The following GRIK2 variants were observed in gnomAD, a reference collection of about 807,000 sequenced individuals.
GRIK2 encodes the protein glutamate ionotropic receptor kainate type subunit 2.
In GRIK2, 32 loss-of-function variants were observed where a neutral mutation model predicts 100.3. The ratio of observed to expected loss-of-function variants is 0.32; its 90% CI spans 0.24 to 0.43. GRIK2 has a LOEUF of 0.43. GRIK2 is among the 20% of genes least tolerant of loss of function. The pLI is 1.00. For synonymous variants in GRIK2, 417 were observed against 389.4 expected, an observed-to-expected ratio of 1.07 and a Z score of -0.83; for missense variants, 843 against 1,114.9, an observed-to-expected ratio of 0.76 and a Z score of 3.47.
intron 11 of GRIK2, among the ~76,000 whole-genome samples, chr6:101,881,828 G>T (rs1235209286): frequency 6.6e-6 from 1 of 152,038 alleles, no homozygotes; most frequent in Non-Finnish European, 1.5e-5. Context: ...ACCCTACCCT[G>T]GGTGACAGAG....
intron 2 of GRIK2, among the ~76,000 whole-genome samples, chr6:101,561,922 G>A (rs1451388260): frequency 6.6e-6 from 1 of 152,132 alleles, no homozygotes; most frequent in Non-Finnish European, 1.5e-5. Context: ...GAGAACATTA[G>A]ATTTATCTGA....
intron 2 of GRIK2, among the ~76,000 whole-genome samples, chr6:101,418,260 C>A (rs1776244657): frequency 6.6e-6 from 1 of 152,130 alleles, no homozygotes; most frequent in African/African-American, 2.4e-5. Context: ...TTTCTATTAT[C>A]CATTTAAACA....
At chr6:101,933,268 A>G (rs1790401801) in intron 14 of GRIK2, among the ~76,000 whole-genome samples, 1 of 151,832 alleles carries the variant, frequency 6.6e-6, no homozygotes, top group Non-Finnish European at 1.5e-5. Context: ...CATCACCTCT[A>G]AATTCAGCTT....
intron 2 of GRIK2, among the ~76,000 whole-genome samples, chr6:101,459,149 G>C (rs1173768481): frequency 6.6e-6 from 1 of 151,800 alleles, no homozygotes; most frequent in African/African-American, 2.4e-5. Context: ...GAAGCAGAAA[G>C]TGTCAGCTCA....
intron 2 of GRIK2, among the ~76,000 whole-genome samples, chr6:101,496,485 G>A (rs1773453308): frequency 6.6e-6 from 1 of 152,154 alleles, no homozygotes; most frequent in Admixed American, 6.6e-5. Flanking sequence ...ATTCTGAACT[G>A]TCAGTGGGTG....
chr6:102,063,125 A>G (rs550244770), intron 16 of GRIK2, among the ~76,000 whole-genome samples: 2 of 150,806 alleles, frequency 1.3e-5, no homozygotes, highest in South Asian at 4.1e-4. Flanking sequence ...ATGTACTAGA[A>G]TATATTAGAC....
At chr6:101,513,121 G>T (rs1582616925) in intron 2 of GRIK2, among the ~76,000 whole-genome samples, 1 of 151,956 alleles carries the variant, frequency 6.6e-6, no homozygotes, top group East Asian at 1.9e-4. Context: ...AAGTGGTTGG[G>T]GTGCAGCTTG....
chr6:101,771,596 A>G (rs1274847596), intron 7 of GRIK2, among the ~76,000 whole-genome samples: 4 of 151,338 alleles, frequency 2.6e-5, no homozygotes, highest in Admixed American at 6.6e-5. Context: ...GGTTTGTTAC[A>G]TATGTATACA....
intron 12 of GRIK2, chr6:101,890,137 A>G (rs1786949510): frequency 3.7e-6 from 1 of 267,320 alleles, no homozygotes; most frequent in Admixed American, 5.3e-5. Context: ...AATCAATATG[A>G]TAAATGAATC....
At chr6:101,581,340 T>C (rs2128303021) in intron 2 of GRIK2, among the ~76,000 whole-genome samples, 1 of 151,924 alleles carries the variant, frequency 6.6e-6, no homozygotes, top group South Asian at 2.1e-4. Context: ...TTAAGGAGTA[T>C]TGACTCACAG....
chr6:101,896,131 G>A (rs9404156), intron 12 of GRIK2, among the ~76,000 whole-genome samples: 121,702 of 151,562 alleles, frequency 0.8, 49,010 homozygotes, highest in East Asian at 0.94. Flanking sequence ...ATGGTTGCAA[G>A]TATATGTGGA....
At chr6:101,469,338 C>A (rs1444262742) in intron 2 of GRIK2, among the ~76,000 whole-genome samples, 1 of 152,098 alleles carries the variant, frequency 6.6e-6, no homozygotes, top group Non-Finnish European at 1.5e-5. Flanking sequence ...TTCCCACACT[C>A]CTTAATACAA....
intron 4 of GRIK2, among the ~76,000 whole-genome samples, chr6:101,636,506 A>G (rs999548398): frequency 6.7e-6 from 1 of 150,166 alleles, no homozygotes; most frequent in African/African-American, 2.5e-5. Context: ...TAATAAAAAA[A>G]AGAAAAGAAA....
At chr6:101,767,274 A>AT (rs1476916761) in intron 7 of GRIK2, among the ~76,000 whole-genome samples, 6 of 152,140 alleles carry the variant, frequency 3.9e-5, no homozygotes, top group Non-Finnish European at 7.4e-5. Context: ...ACAGTAATCA[A>AT]TTCACCTTTT....
In GRIK2 at chr6:101,443,928, C is replaced by T. The variant is rs551464197; in HGVS notation, c.115+44536C>T. Among the ~76,000 whole-genome samples the T allele has an allele frequency of 1.3e-3, 202 of 151,328 alleles. 1 individual carries two copies. The highest frequency in any genetic ancestry group is 4.7e-3 in the African/African-American group (194 of 41,236). ...AAGATGGGCTCTCACTCTGTCTTCT[C>T]GGCTGGAGTGTAATGGCCCAATTAT... On this transcript the variant is annotated intron_variant, in intron 2 of 16. Transcript: ENST00000369134.
At chr6:101,774,286 A>G (rs1245348439) in intron 7 of GRIK2, among the ~76,000 whole-genome samples, 1 of 152,190 alleles carries the variant, frequency 6.6e-6, no homozygotes, top group African/African-American at 2.4e-5. Flanking sequence ...TATAAACAAC[A>G]TTGATGAATA....
Position 101,567,744 on chromosome 6 carries a change from G to A in GRIK2, c.116-54205G>A, listed in dbSNP as rs186385878. On this transcript the variant is annotated intron_variant, in intron 2 of 16. Transcript: ENST00000369134. ...GTAACCAGGGTTATTTTGTGGAAGA[G>A]CATGGTAGGTTCATCCCATATGTCA... 2.2e-3 allele frequency among the ~76,000 whole-genome samples: 330 copies of A among 152,052 alleles called. 1 individual carries two copies. Among genetic ancestry groups the A allele is most frequent in the Non-Finnish European group, 3.5e-3 (241 of 67,894 alleles).
chr6:101,675,377 T>C (rs150566777), intron 4 of GRIK2, among the ~76,000 whole-genome samples: 2 of 152,090 alleles, frequency 1.3e-5, no homozygotes, highest in African/African-American at 2.4e-5. Context: ...TATTTACAAA[T>C]ATTTTGCTTT....
At chr6:101,686,125 A>T (rs1233892177) in intron 6 of GRIK2, 55 bp from the exon 7 acceptor site, 2 of 1,440,112 alleles carry the variant, frequency 1.4e-6, no homozygotes, top group African/African-American at 1.4e-5. Flanking sequence ...TCAGTAATAC[A>T]TGCCTGTGAA....
Sources: gnomAD v4.1 joint callset for allele counts (sites outside exome capture counted in the v4.1 genomes callset) on GRCh38, gnomAD v4.1.1 for gene constraint, MANE v1.5 for transcripts, NCBI Gene and HGNC (gene_info 2026-07-23, HGNC 2026-07-21) for gene names.